NTRK3: variants seen among roughly 807,000 people sequenced by gnomAD.
The protein encoded by NTRK3 is NT-3 growth factor receptor.
NTRK3 carries 24 observed loss-of-function variants against 91.7 expected under a neutral mutation model. That is an observed-to-expected ratio of 0.26 (90% CI 0.19 to 0.37). The LOEUF is 0.37. Among genes scored for constraint, NTRK3 ranks in the 10% least tolerant of loss-of-function variants. The pLI, the probability that NTRK3 is intolerant of heterozygous loss-of-function variation, is 1.00. For missense variants in NTRK3, 880 were observed against 1,068.9 expected, an observed-to-expected ratio of 0.82 and a Z score of 2.46; for synonymous variants, 483 against 404.0, an observed-to-expected ratio of 1.20 and a Z score of -2.34.
chr15:88,235,728 G>T lies in NTRK3; in HGVS notation c.248+20178C>A, dbSNP rs2051657940. On this transcript the variant is annotated intron_variant, in intron 3 of 18. Transcript: ENST00000394480. The surrounding 1 kb of genome is among the most constrained non-coding windows in gnomAD (Gnocchi z 5.2). ...CCTTGGGCTGAGGACCCCAGAAGGT[G>T]CCCTTGAGAAGTCAGTCATCTGTTT... is the stretch of plus-strand genomic sequence containing the variant. Among the ~76,000 whole-genome samples, 1 of 152,226 alleles carries T rather than the reference G, an allele frequency of 6.6e-6. No individual in the cohort carries two copies. The highest frequency in any genetic ancestry group is 2.4e-5 in the African/African-American group (1 of 41,458).
At chr15:88,034,697 C>A (rs779703253) in intron 13 of NTRK3, among the ~76,000 whole-genome samples, 33 of 152,168 alleles carry the variant, frequency 2.2e-4, no homozygotes, top group Non-Finnish European at 4.6e-4. Flanking sequence ...TGAGGCAGAA[C>A]TAAATGGGAG....
At chr15:88,137,619 C>A in intron 6 of NTRK3, 58 bp from the exon 7 acceptor site, 6 of 1,580,680 alleles carry the variant, frequency 3.8e-6, no homozygotes, top group African/African-American at 1.3e-5. Flanking sequence ...CCAGGACCCT[C>A]CCAGGGCTAT....
chr15:87,885,429 A>T (rs1433693426), intron 17 of NTRK3, among the ~76,000 whole-genome samples: 1 of 151,936 alleles, frequency 6.6e-6, no homozygotes, highest in Non-Finnish European at 1.5e-5. Flanking sequence ...TAAAGTAGTA[A>T]TTATTTGATA....
At chr15:88,180,444 A>G (rs550357867) in intron 5 of NTRK3, among the ~76,000 whole-genome samples, 1 of 152,362 alleles carries the variant, frequency 6.6e-6, no homozygotes, top group African/African-American at 2.4e-5. Flanking sequence ...GTAAGGCCCA[A>G]GAGTCCTAAT....
chr15:87,921,249 G>A (rs1176013545), intron 17 of NTRK3, among the ~76,000 whole-genome samples: 1 of 152,170 alleles, frequency 6.6e-6, no homozygotes, highest in African/African-American at 2.4e-5. Flanking sequence ...AAACAGCAAA[G>A]GAAGAATCAA....
At chr15:87,985,667 G>A (rs1413701814) in intron 14 of NTRK3, among the ~76,000 whole-genome samples, 2 of 152,160 alleles carry the variant, frequency 1.3e-5, no homozygotes, top group African/African-American at 4.8e-5. Flanking sequence ...AGGGGGCTGA[G>A]GCTGAATGTA....
chr15:87,911,482 G>A (rs1300245879), intron 17 of NTRK3, among the ~76,000 whole-genome samples: 2 of 152,196 alleles, frequency 1.3e-5, no homozygotes, highest in Non-Finnish European at 2.9e-5. Flanking sequence ...CAATGGGGAT[G>A]GAGAACCCAC....
chr15:88,249,606 A>C (rs1017065845), intron 3 of NTRK3, among the ~76,000 whole-genome samples: 1 of 152,096 alleles, frequency 6.6e-6, no homozygotes, highest in Non-Finnish European at 1.5e-5. Flanking sequence ...CCAGCTTTGA[A>C]TTCTGGTAAG....
At chr15:88,111,597 C>G (rs1314930788) in intron 13 of NTRK3, among the ~76,000 whole-genome samples, 1 of 152,094 alleles carries the variant, frequency 6.6e-6, no homozygotes, top group Non-Finnish European at 1.5e-5. Context: ...GATGGGGACT[C>G]CCTAAGGTTC....
chr15:87,869,390 T>A (rs1471304872), exon 19 of NTRK3: 2 of 227,674 alleles, frequency 8.8e-6, no homozygotes, highest in Non-Finnish European at 1.7e-5. Flanking sequence ...CAGAGGTTAA[T>A]CTAGATGTCA....
intron 14 of NTRK3, among the ~76,000 whole-genome samples, chr15:87,960,609 C>T (rs2072177368): frequency 6.6e-6 from 1 of 152,056 alleles, no homozygotes; most frequent in Non-Finnish European, 1.5e-5. Flanking sequence ...CTCAGCCTCC[C>T]TAGTAGCTGA....
At chr15:87,884,929 T>C (rs2065451088) in intron 17 of NTRK3, among the ~76,000 whole-genome samples, 1 of 151,810 alleles carries the variant, frequency 6.6e-6, no homozygotes, top group African/African-American at 2.4e-5. Flanking sequence ...TCCTAACCAA[T>C]GCAATAAAGC....
At chr15:88,075,484 G>A (rs1458663782) in intron 13 of NTRK3, among the ~76,000 whole-genome samples, 1 of 152,176 alleles carries the variant, frequency 6.6e-6, no homozygotes, top group Admixed American at 6.5e-5. Context: ...AACCTCAGGA[G>A]AATCCTGAGC....
chr15:88,161,114 A>T lies in NTRK3; in HGVS notation c.396-13711T>A, dbSNP rs565435877. ...CAGAGGTATTTGAGGTGGTAATAGT[A>T]ATAGCAGCTAACAAACATGGTGATT... On this transcript the variant is annotated intron_variant, in intron 5 of 18. Transcript: ENST00000394480. 5.3e-5 allele frequency among the ~76,000 whole-genome samples: 8 copies of T among 152,318 alleles called. No homozygotes were observed. In the East Asian group the frequency reaches 1.5e-3, roughly 29 times the overall value.
chr15:87,873,728 G>C (rs192595707), exon 19 of NTRK3: 1 of 231,342 alleles, frequency 4.3e-6, no homozygotes, highest in Non-Finnish European at 8.5e-6. Context: ...TAAATGGACC[G>C]TCGACAGTGC....
intron 17 of NTRK3, among the ~76,000 whole-genome samples, chr15:87,904,822 T>G (rs2066662515): frequency 6.6e-6 from 1 of 152,194 alleles, no homozygotes; most frequent in Non-Finnish European, 1.5e-5. Flanking sequence ...AGCACACATA[T>G]GCAGAAGAGA....
intron 5 of NTRK3, among the ~76,000 whole-genome samples, chr15:88,160,820 T>G (rs144426908): frequency 6.6e-6 from 1 of 152,148 alleles, no homozygotes; most frequent in Non-Finnish European, 1.5e-5. Flanking sequence ...AGTGGCTGTG[T>G]GGGTTTGGAA....
In NTRK3 at chr15:87,893,762, A is replaced by G. The variant is rs945871957; in HGVS notation, c.2134-13334T>C. 2.0e-5 allele frequency among the ~76,000 whole-genome samples: 3 copies of G among 152,328 alleles called. No individual in the cohort carries two copies. The Middle Eastern group carries it at 0.01, about 518-fold the overall frequency. On this transcript the variant is annotated intron_variant, in intron 17 of 18. Coordinates refer to ENST00000394480, the Ensembl canonical transcript of NTRK3. ...CTCACACAACTCCGATGAGGCATACAGGACACGAAGTAACCCATATTCCAG... is the reference window on the plus strand; with the variant it reads ...CTCACACAACTCCGATGAGGCATACGGGACACGAAGTAACCCATATTCCAG...
rs75840678 is a variant in NTRK3, at chr15:88,141,264, A to T, written c.465-3703T>A. Among the ~76,000 whole-genome samples, 1,047 of 152,312 alleles carry T rather than the reference A, an allele frequency of 6.9e-3. 15 individuals carry two copies. Among genetic ancestry groups the T allele is most frequent in the African/African-American group, 0.024 (983 of 41,566 alleles). ...GTAGACAGGAAAAAATGAGACGAACATAATAGACATTATAGGATCATAATA... is the reference window on the plus strand; with the variant it reads ...GTAGACAGGAAAAAATGAGACGAACTTAATAGACATTATAGGATCATAATA... On this transcript the variant is annotated intron_variant, in intron 6 of 18. Transcript: ENST00000394480.
Sources: gnomAD v4.1 joint callset for allele counts (sites outside exome capture counted in the v4.1 genomes callset) on GRCh38, gnomAD v4.1.1 for gene constraint, Gnocchi (gnomAD v3.1) non-coding constraint, MANE v1.5 for transcripts, NCBI Gene and HGNC (gene_info 2026-07-23, HGNC 2026-07-21) for gene names.